BRD1: variants seen among roughly 807,000 people sequenced by gnomAD.
The protein encoded by BRD1 is bromodomain containing 1, also known as bromodomain-containing protein 1.
A neutral mutation model predicts 107.7 loss-of-function variants in BRD1; 24 were observed. The observed-to-expected ratio is 0.22, with a 90% confidence interval of 0.16 to 0.31. The LOEUF (loss-of-function observed/expected upper bound fraction) is 0.31, where lower values mean the gene tolerates loss of function less well. BRD1 is among the 10% of genes least tolerant of loss of function. The pLI is 1.00. For missense variants in BRD1, 1,279 were observed against 1,638.6 expected, an observed-to-expected ratio of 0.78 and a Z score of 3.79; for synonymous variants, 744 against 686.1, an observed-to-expected ratio of 1.08 and a Z score of -1.32.
rs780947676 is a variant in BRD1 at position 49,797,977 on chromosome 22, A to G, written c.1926T>C (p.Asn642=). 1 of 1,614,212 alleles carries G rather than the reference A, an allele frequency of 6.2e-7. No individual in the cohort carries two copies. The highest frequency in any genetic ancestry group is 1.1e-5 in the South Asian group (1 of 91,084). The change falls in exon 6 of 13, where the codon AAT becomes AAC. Residue 642 remains asparagine, a synonymous_variant. Coordinates refer to ENST00000404760, the MANE Select transcript of BRD1 (RefSeq NM_001304808.3). ...CTCTATAGAACACGGTGTCCCTGGC[A>G]TTGTACTTCATGCAGTTATCTATAA... ...DLIIDNCMKY[N]ARDTVFYRAA... is the part of the protein sequence containing the mutation.
In BRD1 at chr22:49,824,891, C is replaced by T. The variant is rs1212738297; in HGVS notation, c.-14-560G>A. 4 of 889,814 alleles carry T rather than the reference C, an allele frequency of 4.5e-6. No individual in the cohort carries two copies. The African/African-American group carries it at 5.4e-5, about 12-fold the overall frequency. The allele number at this position is 889,814 out of a possible 1,614,324, so 55.1% of individuals were successfully genotyped here. ...GAGTCACCACAGTCCTTGCAGCATT[C>T]CTGCTGGGGCCAGGGGTAGGAGACA... On this transcript the variant is annotated intron_variant, in intron 1 of 12. Transcript: ENST00000404760. This position sits in a 1 kb window ranked among gnomAD's most constrained non-coding sequence, Gnocchi z 5.9.
At position 49,804,318 on chromosome 22, in the gene BRD1, C is replaced by T. The variant is rs776680607; in HGVS notation, c.1410G>A (p.Lys470=). 6.2e-7 allele frequency: 1 copy of T among 1,609,676 alleles called. No homozygotes were observed. Among genetic ancestry groups the T allele is most frequent in the Non-Finnish European group, 8.5e-7 (1 of 1,177,698 alleles). The change falls in exon 3 of 13, where the codon AAG becomes AAA. Residue 470 remains lysine, a synonymous_variant. Transcript: ENST00000404760. The part of the protein sequence containing the change: ...IANQVAIQRK[K]QFVERAHSYW... Reference sequence around the variant, plus strand: ...AGCTGTGGGCTCGCTCCACAAACTGCTTCTTCCGCTGAATGGCCACCTGAT... The same window carrying T: ...AGCTGTGGGCTCGCTCCACAAACTGTTTCTTCCGCTGAATGGCCACCTGAT...
chr22:49,817,600 T>C (rs2059977902), intron 2 of BRD1: 2 of 217,004 alleles, frequency 9.2e-6, no homozygotes, highest in South Asian at 1.9e-4. Context: ...CACATCGCTC[T>C]GCACACCAGG....
intron 1 of BRD1, chr22:49,826,306 C>T (rs2060148499): frequency 3.1e-6 from 3 of 967,190 alleles, no homozygotes; most frequent in Non-Finnish European, 1.2e-6. Context: ...GAAGGCTTCA[C>T]GGCCACAGCA....
intron 2 of BRD1, among the ~76,000 whole-genome samples, chr22:49,815,710 A>G (rs2059937225): frequency 6.6e-6 from 1 of 152,186 alleles, no homozygotes; most frequent in Admixed American, 6.5e-5. Context: ...GAGGGCAGGA[A>G]TGAGTCAGTG....
At chr22:49,809,413 G>A (rs907203851) in intron 2 of BRD1, among the ~76,000 whole-genome samples, 1 of 151,874 alleles carries the variant, frequency 6.6e-6, no homozygotes, top group Non-Finnish European at 1.5e-5. Context: ...GGTGACAGGT[G>A]CCTGTAATCC....
At chr22:49,797,764 G>A in intron 6 of BRD1, 41 bp downstream of exon 6, 2 of 1,538,922 alleles carry the variant, frequency 1.3e-6, no homozygotes, top group Middle Eastern at 1.7e-4. Flanking sequence ...CTGCTAGAAA[G>A]AGCGTCTTCC....
At chr22:49,793,142 C>T (rs1020745464) in intron 7 of BRD1, among the ~76,000 whole-genome samples, 2 of 152,168 alleles carry the variant, frequency 1.3e-5, no homozygotes, top group African/African-American at 4.8e-5. Context: ...GTAACCGGAG[C>T]GTGTCAAGGT....
intron 2 of BRD1, among the ~76,000 whole-genome samples, chr22:49,815,193 G>C (rs2059926739): frequency 6.6e-6 from 1 of 152,238 alleles, no homozygotes; most frequent in Admixed American, 6.5e-5. Context: ...CATGCTCTGA[G>C]CACTCAGAGT....
intron 11 of BRD1, 87 bp from the exon 12 acceptor site, chr22:49,775,832 C>CCCCCCCCCCCCCCCCCA: frequency 1.0e-6 from 1 of 989,740 alleles, no homozygotes; most frequent in Non-Finnish European, 1.3e-6. Flanking sequence ...CCCGCCTCCC[C>CCCCCCCCCCCCCCCCCA]ACCCCAGCTG....
At chr22:49,789,322 C>A (rs2059387430) in intron 7 of BRD1, among the ~76,000 whole-genome samples, 1 of 152,186 alleles carries the variant, frequency 6.6e-6, no homozygotes, top group Non-Finnish European at 1.5e-5. Flanking sequence ...GGGAACTGGG[C>A]AATGCGGAGA....
At chr22:49,791,483 A>G (rs1022684941) in intron 7 of BRD1, among the ~76,000 whole-genome samples, 1 of 152,232 alleles carries the variant, frequency 6.6e-6, no homozygotes, top group African/African-American at 2.4e-5. Context: ...TACTCTTTTC[A>G]GGTGTGAAAA....
chr22:49,798,258 C>A (rs1226514670), intron 5 of BRD1, 141 bp from the exon 6 acceptor site: 1 of 994,648 alleles, frequency 1.0e-6, no homozygotes, highest in Non-Finnish European at 1.4e-6. Flanking sequence ...GACATAAGAC[C>A]CAAGTACTGC....
At chr22:49,801,777 G>A (rs73439761) in intron 3 of BRD1, among the ~76,000 whole-genome samples, 3,468 of 152,300 alleles carry the variant, frequency 0.023, 74 homozygotes, top group African/African-American at 0.055. Context: ...GGCCCAGCTG[G>A]CAGGTTCCAG....
At chr22:49,776,759 T>C (rs1230309722) in intron 10 of BRD1, among the ~76,000 whole-genome samples, 14 of 152,158 alleles carry the variant, frequency 9.2e-5, no homozygotes, top group Non-Finnish European at 1.9e-4. Context: ...CAGACAGCCT[T>C]GACAGTGCCT....
intron 2 of BRD1, among the ~76,000 whole-genome samples, chr22:49,813,939 T>C (rs985580576): frequency 6.6e-6 from 1 of 151,666 alleles, no homozygotes; most frequent in Non-Finnish European, 1.5e-5. Flanking sequence ...ACATGCCACA[T>C]GGGGAAAGGG....
At chr22:49,809,368 C>T (rs1408078785) in intron 2 of BRD1, among the ~76,000 whole-genome samples, 2 of 151,886 alleles carry the variant, frequency 1.3e-5, no homozygotes, top group East Asian at 1.9e-4. Context: ...GGTGAAACCT[C>T]GTCTCTACTA....
At chr22:49,810,173 AG>A (rs2059823759) in intron 2 of BRD1, among the ~76,000 whole-genome samples, 1 of 152,208 alleles carries the variant, frequency 6.6e-6, no homozygotes, top group African/African-American at 2.4e-5. Flanking sequence ...CAAGCAAGCA[AG>A]CCCCACATGC....
chr22:49,816,334 C>A (rs535768737), intron 2 of BRD1, among the ~76,000 whole-genome samples: 1 of 152,224 alleles, frequency 6.6e-6, no homozygotes, highest in East Asian at 1.9e-4. Flanking sequence ...CAGAGCAAGA[C>A]CCCGCCTCAA....
Sources: gnomAD v4.1 joint callset for allele counts (sites outside exome capture counted in the v4.1 genomes callset) on GRCh38, gnomAD v4.1.1 for gene constraint, Gnocchi (gnomAD v3.1) non-coding constraint, MANE v1.5 for transcripts, NCBI Gene and HGNC (gene_info 2026-07-23, HGNC 2026-07-21) for gene names.